The following CLC variants were observed in gnomAD, a reference collection of about 807,000 sequenced individuals.
CLC encodes the protein Charcot-Leyden crystal galectin.
Under a neutral mutation model 13.9 loss-of-function variants are expected in CLC, and 15 were observed. The observed-to-expected ratio is 1.08, with a 90% CI of 0.72 to 1.66. The LOEUF (loss-of-function observed/expected upper bound fraction) is 1.66. CLC is among the 40% of genes most tolerant of loss of function. CLC has a pLI of 0.00. For missense variants in CLC, 161 were observed against 169.1 expected, an observed-to-expected ratio of 0.95 and a Z score of 0.27; for synonymous variants, 68 against 59.9, an observed-to-expected ratio of 1.14 and a Z score of -0.63.
At chr19:39,733,568 G>A (rs1467313905) in intron 3 of CLC, among the ~76,000 whole-genome samples, 1 of 152,210 alleles carries the variant, frequency 6.6e-6, no homozygotes, top group African/African-American at 2.4e-5. Context: ...AGTACAGCAA[G>A]TTGAGGAAAT....
intron 3 of CLC, among the ~76,000 whole-genome samples, chr19:39,732,845 C>T (rs990015098): frequency 6.7e-6 from 1 of 148,746 alleles, no homozygotes; most frequent in African/African-American, 2.5e-5. Flanking sequence ...TAGGCATTAC[C>T]ATTCAGGACA....
chr19:39,733,852 G>T, intron 3 of CLC: 1 of 776,714 alleles, frequency 1.3e-6, no homozygotes, highest in Non-Finnish European at 1.6e-6. Context: ...TCTTCATATT[G>T]GACTGACTAA....
chr19:39,736,790 A>C (rs1967320007), intron 1 of CLC, among the ~76,000 whole-genome samples: 1 of 137,882 alleles, frequency 7.3e-6, no homozygotes, highest in Admixed American at 7.0e-5. Flanking sequence ...AAAAAAAAAA[A>C]AATTACTGCA....
At position 39,734,345 on chromosome 19, in the gene CLC, T is replaced by A; in HGVS notation, c.241A>T (p.Met81Leu). The change falls in exon 3 of 4, where the codon ATG becomes TTG. Residue 81 changes from methionine to leucine, a missense_variant. Met to Leu is a conservative substitution (Grantham distance 15). Coordinates refer to ENST00000221804, the MANE Select transcript of CLC (RefSeq NM_001828.6). ...AATTCTTGGCCATCCTGAAAGGGCA[T>A]ATTCTTGGATTCCACCTGCTGCTTC... ...AWKQQVESKNMPFQDGQEFEL... is the reference protein window; with the variant it reads ...AWKQQVESKNLPFQDGQEFEL... The A allele has an allele frequency of 6.2e-7, 1 of 1,614,108 alleles. No individual in the cohort carries two copies. The highest frequency in any genetic ancestry group is 1.7e-5 in the Admixed American group (1 of 60,024).
Position 39,734,298 on chromosome 19 carries a change from C to A in CLC, c.288G>T (p.Leu96=), listed in dbSNP as rs375539895. Residue 96 remains leucine (L), a synonymous_variant, in exon 3 of 4, where the codon CTG becomes CTT. Coordinates refer to ENST00000221804, the MANE Select transcript of CLC (RefSeq NM_001828.6). ...GQEFELSISV[L]PDKYQVMVNG... is the part of the protein sequence containing the mutation. ...GGGTGCTCACCTGGTACTTATCTGG[C>A]AGCACTGAGATGCTCAGTTCAAATT... 1.9e-5 allele frequency: 31 copies of A among 1,613,600 alleles called. 1 individual carries two copies. Among genetic ancestry groups the A allele is most frequent in the Non-Finnish European group, 2.6e-5 (31 of 1,179,948 alleles).
At chr19:39,734,592 G>C (rs1310277241) in intron 2 of CLC, 99 bp from the exon 3 acceptor site, 1 of 1,006,508 alleles carries the variant, frequency 9.9e-7, no homozygotes, top group African/African-American at 1.6e-5. Flanking sequence ...GTCGAGCAAA[G>C]ACTTGTTGGT....
Position 39,734,310 on chromosome 19 carries a change from G to A in CLC, c.276C>T (p.Ser92=). The part of the protein sequence containing the change: ...PFQDGQEFEL[S]ISVLPDKYQV... ...GGTACTTATCTGGCAGCACTGAGATGCTCAGTTCAAATTCTTGGCCATCCT... is the reference window on the plus strand; with the variant it reads ...GGTACTTATCTGGCAGCACTGAGATACTCAGTTCAAATTCTTGGCCATCCT... The change falls in exon 3 of 4, where the codon AGC becomes AGT. Residue 92 remains serine (S), a synonymous_variant. Transcript: ENST00000221804. The A allele has an allele frequency of 6.2e-7, 1 of 1,613,926 alleles. No individual in the cohort carries two copies.
intron 1 of CLC, among the ~76,000 whole-genome samples, chr19:39,735,603 C>G (rs897814933): frequency 6.6e-6 from 1 of 152,218 alleles, no homozygotes; most frequent in African/African-American, 2.4e-5. Flanking sequence ...GGGTGAGCCA[C>G]TTTGCCCAAC....
chr19:39,736,114 C>A (rs1025876821), intron 1 of CLC, among the ~76,000 whole-genome samples: 1 of 151,446 alleles, frequency 6.6e-6, no homozygotes, highest in East Asian at 1.9e-4. Context: ...CTCCAAGCAT[C>A]GTTTGACTGT....
chr19:39,738,027 A>C lies in CLC; in HGVS notation c.-75T>G. On this transcript the variant is annotated 5_prime_UTR_variant, in exon 1 of 4. Transcript: ENST00000221804. ...TGAATCTCTGAGCTGCAGAATTTAA[A>C]TGGCCCCTATCAGCCCTGCCTCTGG... is the stretch of plus-strand genomic sequence containing the variant. 6.8e-7 allele frequency: 1 copy of C among 1,480,242 alleles called. No individual in the cohort carries two copies. Among genetic ancestry groups the C allele is most frequent in the Non-Finnish European group, 9.4e-7 (1 of 1,066,668 alleles). 91.7% of individuals were successfully genotyped at this position (1,480,242 alleles called of 1,614,324 possible).
intron 1 of CLC, among the ~76,000 whole-genome samples, chr19:39,737,499 C>T (rs945578133): frequency 3.3e-5 from 5 of 151,728 alleles, no homozygotes; most frequent in Admixed American, 3.3e-4. Flanking sequence ...AGAGCCGTGC[C>T]ACTCACTGAG....
At chr19:39,732,873 T>C (rs977138269) in intron 3 of CLC, among the ~76,000 whole-genome samples, 4 of 142,598 alleles carry the variant, frequency 2.8e-5, no homozygotes, top group Non-Finnish European at 4.6e-5. Context: ...GGGCAAGGAC[T>C]TCATGTCCAA....
intron 1 of CLC, among the ~76,000 whole-genome samples, chr19:39,736,303 G>T (rs1967308680): frequency 6.6e-6 from 1 of 152,160 alleles, no homozygotes; most frequent in Non-Finnish European, 1.5e-5. Flanking sequence ...AATCATCATG[G>T]GCAATGGACG....
chr19:39,731,525 C>T lies in CLC; in HGVS notation c.304-20G>A, dbSNP rs1967225735. ...CATTACCTACAGAAGGAAAAAAATA[C>T]ATCAGAAAGACAGTATTTCACCAAA... On this transcript the variant is annotated intron_variant, in intron 3 of 3. Transcript: ENST00000221804. The T allele has an allele frequency of 6.3e-7, 1 of 1,589,584 alleles. No homozygotes were observed. Among genetic ancestry groups the T allele is most frequent in the Non-Finnish European group, 8.6e-7 (1 of 1,164,380 alleles).
chr19:39,733,777 A>ACTAT (rs10636409), intron 3 of CLC: 127,807 of 193,130 alleles, frequency 0.66, 43,530 homozygotes, highest in African/African-American at 0.78. Context: ...ATAAGGATAG[A>ACTAT]CTATGGAAGA....
chr19:39,732,806 T>C (rs1967245515), intron 3 of CLC, among the ~76,000 whole-genome samples: 1 of 151,670 alleles, frequency 6.6e-6, no homozygotes, highest in African/African-American at 2.4e-5. Context: ...ACGTTAGACC[T>C]AAAACCATAA....
chr19:39,735,530 G>T (rs1967295172), intron 1 of CLC, among the ~76,000 whole-genome samples: 2 of 152,104 alleles, frequency 1.3e-5, no homozygotes, highest in Admixed American at 6.5e-5. Context: ...TGCCCAGGCT[G>T]GTCTGGAGCA....
chr19:39,734,479 A>C lies in CLC; in HGVS notation c.107T>G (p.Leu36Arg). The C allele has an allele frequency of 6.2e-7, 1 of 1,614,018 alleles. No homozygotes were observed. Among genetic ancestry groups the C allele is most frequent in the Non-Finnish European group, 8.5e-7 (1 of 1,179,868 alleles). The change falls in exon 3 of 4, where the codon CTG (leucine) becomes CGG (arginine). Residue 36 changes from leucine (L) to arginine (R), a missense_variant. Leu to Arg is a moderately radical substitution (Grantham distance 102). Transcript: ENST00000221804. ...CATCTCAGTGTGGAAATCCACCTGC[A>C]GATATGGTTCATTCCTGAGGGCAGA... ...PLACFLNEPYLQVDFHTEMKE... is the reference protein window; with the variant it reads ...PLACFLNEPYRQVDFHTEMKE...
At chr19:39,735,686 G>A (rs1481078499) in intron 1 of CLC, among the ~76,000 whole-genome samples, 1 of 152,098 alleles carries the variant, frequency 6.6e-6, no homozygotes, top group East Asian at 1.9e-4. Context: ...ATGATAATCC[G>A]AAATACCTAC....
Sources: gnomAD v4.1 joint callset for allele counts (sites outside exome capture counted in the v4.1 genomes callset) on GRCh38, gnomAD v4.1.1 for gene constraint, MANE v1.5 for transcripts, NCBI Gene and HGNC (gene_info 2026-07-23, HGNC 2026-07-21) for gene names.